Variants in KCNH8 observed in about 807,000 individuals in gnomAD.
KCNH8 encodes the protein potassium voltage-gated channel subfamily H member 8.
KCNH8 carries 70 observed loss-of-function variants against 103.6 expected under a neutral mutation model. The observed-to-expected ratio is 0.68, with a 90% confidence interval of 0.56 to 0.82. The LOEUF (loss-of-function observed/expected upper bound fraction) is 0.82, where lower values mean the gene tolerates loss of function less well. Ranked by LOEUF, KCNH8 falls within the 40% of genes least tolerant of loss-of-function variation. The probability of loss-of-function intolerance (pLI) is 0.00; values close to 1 mark genes in which losing one functional copy is unlikely to be tolerated. For missense variants in KCNH8, 1,217 were observed against 1,329.9 expected (o/e 0.92, Z 1.32); for synonymous variants, 498 against 489.4 (o/e 1.02, Z -0.23).
At chr3:19,169,363 A>G (rs550460289) in intron 1 of KCNH8, among the ~76,000 whole-genome samples, 18 of 143,544 alleles carry the variant, frequency 1.3e-4, no homozygotes, top group East Asian at 2.1e-4. Flanking sequence ...GGTTCACGCC[A>G]TTCTCCTGCT....
intron 3 of KCNH8, among the ~76,000 whole-genome samples, chr3:19,312,233 G>C (rs1235238023): frequency 6.6e-6 from 1 of 151,816 alleles, no homozygotes; most frequent in Non-Finnish European, 1.5e-5. Context: ...CCAATCAATG[G>C]CATAAGAAGG....
At chr3:19,281,369 C>T (rs1052839951) in intron 3 of KCNH8, 40 bp downstream of exon 3, 2 of 1,539,600 alleles carry the variant, frequency 1.3e-6, no homozygotes, top group Admixed American at 2.3e-5. Context: ...GATGGAGTAA[C>T]ATTTTGAAAT....
At chr3:19,488,954 G>A (rs937591580) in intron 11 of KCNH8, among the ~76,000 whole-genome samples, 2 of 152,130 alleles carry the variant, frequency 1.3e-5, no homozygotes, top group Non-Finnish European at 2.9e-5. Context: ...GGTATAAGGT[G>A]GAGTATTATT....
intron 15 of KCNH8, among the ~76,000 whole-genome samples, chr3:19,522,613 A>G (rs1019443879): frequency 1.3e-5 from 2 of 151,814 alleles, no homozygotes; most frequent in African/African-American, 4.8e-5. Context: ...ATAATCTACC[A>G]AACATCTGGG....
chr3:19,274,896 CTT>C (rs2064645334), intron 2 of KCNH8, among the ~76,000 whole-genome samples: 1 of 123,440 alleles, frequency 8.1e-6, no homozygotes, highest in African/African-American at 3.1e-5. Flanking sequence ...CTCCCCTTCC[CTT>C]CCCTCTCTCT....
At chr3:19,462,928 A>G (rs1236855322) in intron 11 of KCNH8, among the ~76,000 whole-genome samples, 1 of 152,154 alleles carries the variant, frequency 6.6e-6, no homozygotes, top group Non-Finnish European at 1.5e-5. Context: ...TTTGTCAAAG[A>G]TCAGGTTTGT....
chr3:19,423,636 TTG>T (rs149629798), intron 7 of KCNH8, among the ~76,000 whole-genome samples: 3 of 149,696 alleles, frequency 2.0e-5, no homozygotes, highest in African/African-American at 4.9e-5. Context: ...TAATATTCCA[TTG>T]TGTGTGTGTG....
At chr3:19,494,420 C>T (rs1162164022) in intron 11 of KCNH8, among the ~76,000 whole-genome samples, 1 of 152,156 alleles carries the variant, frequency 6.6e-6, no homozygotes, top group Non-Finnish European at 1.5e-5. Context: ...CAAGCTCTCT[C>T]TTTGCCTGCT....
intron 11 of KCNH8, among the ~76,000 whole-genome samples, chr3:19,462,612 G>A (rs1470211293): frequency 6.6e-6 from 1 of 152,154 alleles, no homozygotes; most frequent in Non-Finnish European, 1.5e-5. Context: ...TCTGATGGTA[G>A]TTTCTTTTGC....
chr3:19,200,602 A>T (rs1027553491), intron 1 of KCNH8, among the ~76,000 whole-genome samples: 12 of 151,892 alleles, frequency 7.9e-5, no homozygotes, highest in East Asian at 3.9e-4. Context: ...ACCTATTTTT[A>T]AAAAAACTTT....
chr3:19,175,284 C>G (rs1397850769), intron 1 of KCNH8, among the ~76,000 whole-genome samples: 2 of 149,332 alleles, frequency 1.3e-5, no homozygotes, highest in East Asian at 2.0e-4. Flanking sequence ...TGCAGTGGCG[C>G]GATCTCGGCT....
intron 1 of KCNH8, among the ~76,000 whole-genome samples, chr3:19,189,691 C>T (rs1210152268): frequency 2.6e-5 from 4 of 151,870 alleles, no homozygotes; most frequent in African/African-American, 9.7e-5. Context: ...TCTAGAAACA[C>T]ATTAATGTCA....
intron 1 of KCNH8, among the ~76,000 whole-genome samples, chr3:19,208,701 G>T (rs942304260): frequency 1.3e-5 from 2 of 151,990 alleles, no homozygotes; most frequent in East Asian, 3.8e-4. Context: ...TGCAAATGTG[G>T]AAAGCATTTA....
rs148877583 is a variant in KCNH8, at chr3:19,275,051, C to G, written c.311-6147C>G. 1.7e-3 allele frequency among the ~76,000 whole-genome samples: 262 copies of G among 151,234 alleles called. 2 individuals are homozygous for G. The highest frequency in any genetic ancestry group is 5.9e-3 in the African/African-American group (242 of 41,148). ...ATATGATCTCATCATTCTTATTGCTCCAGTCTTGAACTCTTTACATCTCTA... is the reference window on the plus strand; with the variant it reads ...ATATGATCTCATCATTCTTATTGCTGCAGTCTTGAACTCTTTACATCTCTA... On this transcript the variant is annotated intron_variant, in intron 2 of 15. Transcript: ENST00000328405.
intron 1 of KCNH8, among the ~76,000 whole-genome samples, chr3:19,169,402 G>T (rs1177487456): frequency 6.6e-6 from 1 of 151,842 alleles, no homozygotes; most frequent in East Asian, 1.9e-4. Flanking sequence ...GGGACTACAG[G>T]CGCCTGGCTA....
intron 11 of KCNH8, among the ~76,000 whole-genome samples, chr3:19,484,350 C>T (rs750490568): frequency 6.6e-6 from 1 of 152,150 alleles, no homozygotes; most frequent in Non-Finnish European, 1.5e-5. Flanking sequence ...TCTTGTCTTA[C>T]CTCAGTAACC....
intron 3 of KCNH8, among the ~76,000 whole-genome samples, chr3:19,309,276 C>T (rs1341388468): frequency 6.6e-6 from 1 of 151,918 alleles, no homozygotes; most frequent in Admixed American, 6.6e-5. Context: ...GATGTTCCCT[C>T]AAAATGCTAG....
rs1014541444 is a variant in KCNH8, at chr3:19,457,801, G to A, written c.2040+819G>A. On this transcript the variant is annotated intron_variant, in intron 11 of 15. Transcript: ENST00000328405. ...CAACCCATATTGTGCAGATATTCAT[G>A]TCAATCATTAGTATTCTCTGCTTTG... is the stretch of plus-strand genomic sequence containing the variant. Among the ~76,000 whole-genome samples, 4 of 152,100 alleles carry A rather than the reference G, an allele frequency of 2.6e-5. No homozygotes were observed. The South Asian group carries it at 8.3e-4, about 32-fold the overall frequency.
At chr3:19,415,872 A>G (rs1343038104) in intron 7 of KCNH8, among the ~76,000 whole-genome samples, 2 of 152,028 alleles carry the variant, frequency 1.3e-5, no homozygotes, top group Non-Finnish European at 2.9e-5. Context: ...GTGTTTTTCA[A>G]TTTGTAAAAA....
Sources: allele counts gnomAD v4.1 joint callset (sites outside exome capture counted in the v4.1 genomes callset), GRCh38; gene constraint gnomAD v4.1.1; transcripts MANE v1.5; gene names NCBI Gene and HGNC (gene_info 2026-07-23, HGNC 2026-07-21).